Variants in COL27A1 observed in about 807,000 individuals in gnomAD.
COL27A1 encodes the protein collagen type XXVII alpha 1 chain.
COL27A1 carries 106 observed loss-of-function variants against 251.3 expected under a neutral mutation model. That is an observed-to-expected ratio of 0.42 (90% CI 0.36 to 0.50). COL27A1 has a LOEUF of 0.50. Among genes scored for constraint, COL27A1 ranks in the 20% least tolerant of loss-of-function variants. The probability of loss-of-function intolerance (pLI) is 0.00; values close to 1 mark genes in which losing one functional copy is unlikely to be tolerated. For missense variants in COL27A1, 2,325 were observed against 2,522.8 expected (o/e 0.92, Z 1.68); for synonymous variants, 1,000 against 986.3 (o/e 1.01, Z -0.26).
At position 114,264,631 on chromosome 9, in the gene COL27A1, G is replaced by A. The variant is rs79683834; in HGVS notation, c.3249+223G>A. Reference sequence around the variant, plus strand: ...AGAAAGGAGGAGGGAGATCATACACGTCCTCAGACCCTTTCCCCGGACCCC... The same window carrying A: ...AGAAAGGAGGAGGGAGATCATACACATCCTCAGACCCTTTCCCCGGACCCC... On this transcript the variant is annotated intron_variant, in intron 29 of 60. Transcript: ENST00000356083. Among the ~76,000 whole-genome samples the A allele has an allele frequency of 3.3e-3, 508 of 152,182 alleles. 6 individuals are homozygous for A. The highest frequency in any genetic ancestry group is 0.011 in the African/African-American group (441 of 41,516).
At chr9:114,186,972 C>T (rs913634492) in intron 5 of COL27A1, among the ~76,000 whole-genome samples, 1 of 152,184 alleles carries the variant, frequency 6.6e-6, no homozygotes, top group Non-Finnish European at 1.5e-5. Flanking sequence ...CTGCACTGGG[C>T]CATGAGGCTC....
Position 114,205,160 on chromosome 9 carries a change from C to T in COL27A1, c.2169+14C>T. On this transcript the variant is annotated intron_variant, in intron 8 of 60. Transcript: ENST00000356083. Reference sequence around the variant, plus strand: ...CCCGGAGAACAGGTGAGGGCCTCAGCCTCAGCCCTGCCCTGGTCGCTCTCC... The same window carrying T: ...CCCGGAGAACAGGTGAGGGCCTCAGTCTCAGCCCTGCCCTGGTCGCTCTCC... The T allele has an allele frequency of 1.2e-6, 2 of 1,612,000 alleles. No homozygotes were observed. The highest frequency in any genetic ancestry group is 1.3e-5 in the African/African-American group (1 of 75,024).
chr9:114,274,573 A>G (rs1588846602), intron 36 of COL27A1, among the ~76,000 whole-genome samples: 1 of 152,232 alleles, frequency 6.6e-6, no homozygotes. Flanking sequence ...TGTTAGCTCC[A>G]TCCACTCCCC....
chr9:114,258,261 G>A (rs1834079936), intron 27 of COL27A1, among the ~76,000 whole-genome samples: 1 of 152,166 alleles, frequency 6.6e-6, no homozygotes, highest in Non-Finnish European at 1.5e-5. Context: ...TGTCATGCAG[G>A]GGGCCTTATC....
intron 24 of COL27A1, among the ~76,000 whole-genome samples, chr9:114,250,085 C>T (rs1361283735): frequency 1.3e-5 from 2 of 152,182 alleles, no homozygotes; most frequent in Non-Finnish European, 2.9e-5. Context: ...GGAGCTGCAG[C>T]GTGTGTCTGT....
At chr9:114,265,966 CA>C (rs1564545845) in intron 32 of COL27A1, among the ~76,000 whole-genome samples, 1 of 152,274 alleles carries the variant, frequency 6.6e-6, no homozygotes, top group Non-Finnish European at 1.5e-5. Flanking sequence ...GGGCTTGAAG[CA>C]GAAAGGGCGA....
At chr9:114,177,981 G>T (rs1298124886) in intron 3 of COL27A1, among the ~76,000 whole-genome samples, 1 of 152,232 alleles carries the variant, frequency 6.6e-6, no homozygotes, top group African/African-American at 2.4e-5. Flanking sequence ...CCCCAAGTAA[G>T]ATAGCGGTCT....
chr9:114,249,349 A>G (rs368489119), intron 24 of COL27A1, among the ~76,000 whole-genome samples: 28 of 152,338 alleles, frequency 1.8e-4, no homozygotes, highest in African/African-American at 6.7e-4. Context: ...CTTACCTTAT[A>G]CTTCAGAAAG....
rs981496093 is a variant in COL27A1 at position 114,194,324 on chromosome 9, G to A, written c.2017-80G>A. The A allele has an allele frequency of 2.7e-5, 37 of 1,370,660 alleles. 1 individual carries two copies. Among genetic ancestry groups the A allele is most frequent in the South Asian group, 1.2e-4 (10 of 85,676 alleles). The allele number at this position is 1,370,660 out of a possible 1,614,324, so 84.9% of individuals were successfully genotyped here. ...GGAAGGCATTTAAGCAAGGGAGCAG[G>A]GCTTTGAGCAGAGTTTGTGGGGAGG... On this transcript the variant is annotated intron_variant, in intron 5 of 60. Coordinates refer to ENST00000356083, the MANE Select transcript of COL27A1 (RefSeq NM_032888.4).
intron 7 of COL27A1, among the ~76,000 whole-genome samples, chr9:114,201,324 G>A (rs1172760601): frequency 6.6e-6 from 1 of 152,208 alleles, no homozygotes; most frequent in Admixed American, 6.5e-5. Context: ...CATAATTGGC[G>A]GGGCGCTGCA....
chr9:114,292,014 T>C (rs1208950998), intron 48 of COL27A1, 89 bp from the exon 49 acceptor site: 3 of 1,136,914 alleles, frequency 2.6e-6, no homozygotes, highest in Non-Finnish European at 3.9e-6. Context: ...GTGGAATCAC[T>C]GTTCTGGCTC....
intron 37 of COL27A1, among the ~76,000 whole-genome samples, chr9:114,276,345 C>T (rs945526288): frequency 2.0e-5 from 3 of 152,246 alleles, no homozygotes; most frequent in Admixed American, 6.5e-5. Context: ...GTGGCTCACG[C>T]CTGTAATCCC....
At chr9:114,289,386 A>AGAG in intron 45 of COL27A1, 91 bp downstream of exon 45, 1 of 1,271,052 alleles carries the variant, frequency 7.9e-7, no homozygotes, top group Non-Finnish European at 1.1e-6. Context: ...CGCAGGCTGC[A>AGAG]GAGGCTGCGA....
At chr9:114,266,651 T>A (rs1303249783) in intron 33 of COL27A1, 33 bp downstream of exon 33, 2 of 1,585,998 alleles carry the variant, frequency 1.3e-6, no homozygotes, top group Middle Eastern at 1.7e-4. Context: ...CGTCCCATGA[T>A]GCTGCTGGGG....
chr9:114,160,832 G>T (rs1329111952), intron 1 of COL27A1, among the ~76,000 whole-genome samples: 1 of 152,222 alleles, frequency 6.6e-6, no homozygotes, highest in African/African-American at 2.4e-5. Context: ...TGACACCCAA[G>T]CTGGGATCTA....
At chr9:114,193,064 A>T (rs1311331781) in intron 5 of COL27A1, among the ~76,000 whole-genome samples, 1 of 151,988 alleles carries the variant, frequency 6.6e-6, no homozygotes, top group Non-Finnish European at 1.5e-5. Context: ...AAGGTGAGGG[A>T]GCTGAGCTCA....
intron 14 of COL27A1, among the ~76,000 whole-genome samples, chr9:114,225,644 G>A (rs1367536240): frequency 3.3e-5 from 5 of 152,242 alleles, no homozygotes; most frequent in Non-Finnish European, 7.3e-5. Flanking sequence ...GAGGGATTGT[G>A]AGTCACCTAC....
At chr9:114,276,086 C>T (rs750092430) in intron 37 of COL27A1, among the ~76,000 whole-genome samples, 20 of 152,154 alleles carry the variant, frequency 1.3e-4, no homozygotes, top group Non-Finnish European at 1.9e-4. Context: ...GGCCCTTACC[C>T]CTGGGCCTTT....
At chr9:114,231,967 C>A in intron 16 of COL27A1, 101 bp downstream of exon 16, 2 of 1,135,162 alleles carry the variant, frequency 1.8e-6, no homozygotes, top group South Asian at 1.3e-5. Context: ...CACTCCCCTG[C>A]ACTCTTCCTG....
Sources: gnomAD v4.1 joint callset for allele counts (sites outside exome capture counted in the v4.1 genomes callset) on GRCh38, gnomAD v4.1.1 for gene constraint, MANE v1.5 for transcripts, NCBI Gene and HGNC (gene_info 2026-07-23, HGNC 2026-07-21) for gene names.